Variants in RALGAPA2 observed in about 807,000 individuals in gnomAD.
RALGAPA2 encodes Ral GTPase activating protein catalytic subunit alpha 2.
RALGAPA2 carries 139 observed loss-of-function variants against 230.4 expected under a neutral mutation model. That is an observed-to-expected ratio of 0.60 (90% CI 0.53 to 0.69). RALGAPA2 has a LOEUF of 0.69. RALGAPA2 is among the 30% of genes least tolerant of loss of function. The pLI is 0.00. For missense variants in RALGAPA2, 2,163 were observed against 2,276.0 expected (o/e 0.95, Z 1.01); for synonymous variants, 847 against 837.8 (o/e 1.01, Z -0.19).
intron 39 of RALGAPA2, among the ~76,000 whole-genome samples, chr20:20,395,856 T>C (rs890252577): frequency 1.1e-4 from 17 of 152,238 alleles, no homozygotes; most frequent in African/African-American, 4.1e-4. Context: ...GTGACTGGTG[T>C]CTGTGCCTTG....
In RALGAPA2 at chr20:20,445,464, A is replaced by T. The variant is rs145098127; in HGVS notation, c.5495+27365T>A. On this transcript the variant is annotated intron_variant, in intron 37 of 39. Coordinates refer to ENST00000202677, the MANE Select transcript of RALGAPA2 (RefSeq NM_020343.4). ...GAACTGGAAGCTGGGGAGATCCCCC[A>T]CGGAATCTAATCTGGCCTTTGGCTC... Among the ~76,000 whole-genome samples the T allele has an allele frequency of 4.9e-4, 74 of 152,330 alleles. No individual in the cohort carries two copies. The East Asian group carries it at 0.013, about 28-fold the overall frequency.
chr20:20,615,699 C>G (rs773160910), intron 13 of RALGAPA2, among the ~76,000 whole-genome samples: 7 of 152,276 alleles, frequency 4.6e-5, no homozygotes, highest in Middle Eastern at 3.4e-3. Flanking sequence ...AATCAGTTGA[C>G]AGCATTTCAG....
At position 20,485,952 on chromosome 20, in the gene RALGAPA2, C is replaced by T. The variant is rs149763270; in HGVS notation, c.5367+9165G>A. Among the ~76,000 whole-genome samples, 371 of 152,180 alleles carry T rather than the reference C, an allele frequency of 2.4e-3. 1 individual carries two copies. The highest frequency in any genetic ancestry group is 7.9e-3 in the African/African-American group (329 of 41,526). On this transcript the variant is annotated intron_variant, in intron 36 of 39. Transcript: ENST00000202677. The stretch of plus-strand genomic sequence containing the variant: ...CCCAGGAGTTCAAGACCAGCCTGGG[C>T]ATCATGGCAAAACCCTGTCTCTAGA...
chr20:20,654,651 C>CAA (rs2067524444), intron 3 of RALGAPA2, among the ~76,000 whole-genome samples: 1 of 152,210 alleles, frequency 6.6e-6, no homozygotes, highest in Non-Finnish European at 1.5e-5. Flanking sequence ...CACTGATGGA[C>CAA]ACTTAGGTTG....
intron 36 of RALGAPA2, among the ~76,000 whole-genome samples, chr20:20,474,920 A>G (rs188004874): frequency 0.013 from 1,959 of 152,260 alleles, 23 homozygotes; most frequent in Non-Finnish European, 0.021. Flanking sequence ...AGATCAAGAA[A>G]AGAGACTCAA....
intron 15 of RALGAPA2, among the ~76,000 whole-genome samples, chr20:20,602,238 T>C (rs1224008602): frequency 1.3e-5 from 2 of 152,192 alleles, no homozygotes; most frequent in African/African-American, 4.8e-5. Flanking sequence ...GATGTTAGAA[T>C]AGTACTGCAT....
At position 20,398,704 on chromosome 20, in the gene RALGAPA2, G is replaced by A. The variant is rs1039321750; in HGVS notation, c.5618-1970C>T. Among the ~76,000 whole-genome samples, 5 of 152,180 alleles carry A rather than the reference G, an allele frequency of 3.3e-5. No homozygotes were observed. The highest frequency in any genetic ancestry group is 1.9e-4 in the East Asian group (1 of 5,158). ...GGGAAGAGGCCAGGAGGGACCTGAC[G>A]TCTGGGGGCGATAGGGGAGAGACAC... On this transcript the variant is annotated intron_variant, in intron 38 of 39. Coordinates refer to ENST00000202677, the MANE Select transcript of RALGAPA2 (RefSeq NM_020343.4). The surrounding 1 kb of genome is among the most constrained non-coding windows in gnomAD (Gnocchi z 4.5).
At chr20:20,645,414 G>A (rs1467110371) in intron 4 of RALGAPA2, among the ~76,000 whole-genome samples, 2 of 151,830 alleles carry the variant, frequency 1.3e-5, no homozygotes, top group African/African-American at 2.4e-5. Flanking sequence ...GTGCCCGGCC[G>A]TTAGTGTTGT....
chr20:20,659,018 C>T (rs1008400616), intron 3 of RALGAPA2, among the ~76,000 whole-genome samples: 1 of 152,090 alleles, frequency 6.6e-6, no homozygotes, highest in Non-Finnish European at 1.5e-5. Flanking sequence ...AACCCTTCCC[C>T]AAACTAGCTG....
At chr20:20,639,983 T>C (rs563929688) in intron 6 of RALGAPA2, 83 bp from the exon 7 acceptor site, 32 of 1,005,286 alleles carry the variant, frequency 3.2e-5, no homozygotes, top group Non-Finnish European at 5.0e-5. Flanking sequence ...TGGTCTCTAT[T>C]AAAATACATC....
At chr20:20,650,117 T>C (rs1270963355) in intron 4 of RALGAPA2, among the ~76,000 whole-genome samples, 1 of 152,226 alleles carries the variant, frequency 6.6e-6, no homozygotes, top group Non-Finnish European at 1.5e-5. Flanking sequence ...TACCTCCAGA[T>C]GGAATAATGA....
chr20:20,440,454 A>G (rs2060712636), intron 37 of RALGAPA2, among the ~76,000 whole-genome samples: 1 of 152,172 alleles, frequency 6.6e-6, no homozygotes, highest in African/African-American at 2.4e-5. Flanking sequence ...GGCTTTGTAC[A>G]ATACAGAAAC....
At chr20:20,665,847 G>A (rs1356876936) in intron 3 of RALGAPA2, among the ~76,000 whole-genome samples, 4 of 152,158 alleles carry the variant, frequency 2.6e-5, no homozygotes, top group African/African-American at 7.2e-5. Flanking sequence ...CAGTACAGGC[G>A]ATAGCACCGA....
intron 37 of RALGAPA2, among the ~76,000 whole-genome samples, chr20:20,424,728 C>T (rs1248803839): frequency 1.3e-5 from 2 of 151,890 alleles, no homozygotes; most frequent in African/African-American, 4.8e-5. Context: ...GTGCAGCACA[C>T]CAACATGGCA....
At chr20:20,671,175 T>C (rs768364309) in intron 3 of RALGAPA2, among the ~76,000 whole-genome samples, 4 of 152,186 alleles carry the variant, frequency 2.6e-5, no homozygotes, top group Non-Finnish European at 1.5e-5. Flanking sequence ...TTTATCAGAA[T>C]ACTGTAATGT....
intron 1 of RALGAPA2, among the ~76,000 whole-genome samples, chr20:20,685,475 G>T (rs1425762550): frequency 1.3e-5 from 2 of 152,152 alleles, no homozygotes; most frequent in African/African-American, 2.4e-5. Flanking sequence ...CAATGAAATA[G>T]ATGGGCAGGT....
rs201973805 is a variant in RALGAPA2 at position 20,585,449 on chromosome 20, T to TA, written c.2440-495dup. Among the ~76,000 whole-genome samples the TA allele has an allele frequency of 5.6e-3, 845 of 151,406 alleles. 6 individuals are homozygous for TA. Among genetic ancestry groups the TA allele is most frequent in the African/African-American group, 0.019 (799 of 41,288 alleles). ...TAACCTTGTATTAAATTCACAGGATTAAAAAAAAATCAGGAGGAAATCTGC... is the reference window on the plus strand; with the variant it reads ...TAACCTTGTATTAAATTCACAGGATTAAAAAAAAAATCAGGAGGAAATCTGC... On this transcript the variant is annotated intron_variant, in intron 18 of 39. Transcript: ENST00000202677.
At chr20:20,474,665 T>C (rs1384049022) in intron 36 of RALGAPA2, among the ~76,000 whole-genome samples, 4 of 152,202 alleles carry the variant, frequency 2.6e-5, no homozygotes, top group Non-Finnish European at 5.9e-5. Flanking sequence ...TCAAGGATGA[T>C]GCCACAGTTT....
chr20:20,525,161 C>A (rs2063162324), intron 28 of RALGAPA2, among the ~76,000 whole-genome samples: 1 of 152,276 alleles, frequency 6.6e-6, no homozygotes, highest in Non-Finnish European at 1.5e-5. Flanking sequence ...TCTCTGCAGT[C>A]ACATAATTCT....
Sources: gnomAD v4.1 joint callset for allele counts (sites outside exome capture counted in the v4.1 genomes callset) on GRCh38, gnomAD v4.1.1 for gene constraint, Gnocchi (gnomAD v3.1) non-coding constraint, MANE v1.5 for transcripts, NCBI Gene and HGNC (gene_info 2026-07-23, HGNC 2026-07-21) for gene names.